The following DPH5 variants were observed in gnomAD, a reference collection of about 807,000 sequenced individuals.
DPH5 encodes the protein diphthamide biosynthesis 5.
A neutral mutation model predicts 31.6 loss-of-function variants in DPH5; 31 were observed. The observed-to-expected ratio is 0.98, with a 90% CI of 0.74 to 1.32. The LOEUF (loss-of-function observed/expected upper bound fraction) is 1.32. Among genes scored for constraint, DPH5 ranks in the 40% most tolerant of loss-of-function variants. The probability of loss-of-function intolerance (pLI) is 0.00; values close to 1 mark genes in which losing one functional copy is unlikely to be tolerated. For synonymous variants in DPH5, 120 were observed against 115.0 expected, an observed-to-expected ratio of 1.04 and a Z score of -0.28; for missense variants, 309 against 335.7, an observed-to-expected ratio of 0.92 and a Z score of 0.62.
chr1:100,992,848 T>C (rs1259161470), intron 6 of DPH5, 108 bp from the exon 7 acceptor site: 2 of 657,530 alleles, frequency 3.0e-6, no homozygotes, highest in African/African-American at 1.8e-5. Flanking sequence ...GTCTACATTC[T>C]GTTTGATGTT....
At chr1:101,001,131 C>T (rs898777802) in intron 5 of DPH5, among the ~76,000 whole-genome samples, 2 of 152,126 alleles carry the variant, frequency 1.3e-5, no homozygotes, top group Non-Finnish European at 2.9e-5. Flanking sequence ...GCAGGATGGT[C>T]CTTGGTAAGG....
At chr1:101,016,015 C>G (rs918060288) in intron 3 of DPH5, among the ~76,000 whole-genome samples, 6 of 152,148 alleles carry the variant, frequency 3.9e-5, no homozygotes, top group Admixed American at 1.3e-4. Flanking sequence ...TGTTTTACTA[C>G]CTTATCATTA....
Position 101,023,635 on chromosome 1 carries a change from A to G in DPH5, c.135+1674T>C, listed in dbSNP as rs74759012. On this transcript the variant is annotated intron_variant, in intron 2 of 7. Transcript: ENST00000370109. ...CTGAAAATTTACAAAGCACTTTCATATACATCATCTCAATAAAACACTACA... is the reference window on the plus strand; with the variant it reads ...CTGAAAATTTACAAAGCACTTTCATGTACATCATCTCAATAAAACACTACA... Among the ~76,000 whole-genome samples, 558 of 152,370 alleles carry G rather than the reference A, an allele frequency of 3.7e-3. 1 individual carries two copies. Among genetic ancestry groups the G allele is most frequent in the African/African-American group, 0.013 (536 of 41,574 alleles).
chr1:101,019,788 C>T (rs1038184485), intron 3 of DPH5, among the ~76,000 whole-genome samples: 4 of 150,004 alleles, frequency 2.7e-5, no homozygotes, highest in Admixed American at 6.6e-5. Flanking sequence ...AGGCTATATA[C>T]GATGAATCAC....
In DPH5 at chr1:101,025,746, GAAGCAAC is replaced by G. The variant is rs1660780920; in HGVS notation, c.-94_-88del. ...AATTCTTAACTACCACCTTTCCGCA[GAAGCAAC>G]TGCAAAAGCGCCGGCTCCGTGCAGA... On this transcript the variant is annotated 5_prime_UTR_variant, in exon 1 of 8. Transcript: ENST00000370109. The G allele has an allele frequency of 6.1e-6, 2 of 325,914 alleles. No homozygotes were observed. The highest frequency in any genetic ancestry group is 2.2e-5 in the African/African-American group (1 of 46,462). The allele number at this position is 325,914 out of a possible 1,614,324, so 20.2% of individuals were successfully genotyped here.
chr1:101,007,496 G>C (rs919426947), intron 4 of DPH5, among the ~76,000 whole-genome samples: 1 of 152,116 alleles, frequency 6.6e-6, no homozygotes, highest in East Asian at 1.9e-4. Context: ...GGCAGATCAC[G>C]AGGTCAGGAG....
chr1:101,024,019 G>C (rs973952905), intron 2 of DPH5, among the ~76,000 whole-genome samples: 1 of 152,090 alleles, frequency 6.6e-6, no homozygotes, highest in African/African-American at 2.4e-5. Context: ...CTTAATCACT[G>C]ATTAGAGACG....
At chr1:101,013,661 T>C (rs751076901) in intron 4 of DPH5, 49 bp downstream of exon 4, 9 of 1,249,994 alleles carry the variant, frequency 7.2e-6, no homozygotes, top group East Asian at 2.4e-5. Flanking sequence ...TGTGGAAAAA[T>C]AAAACATTTT....
At chr1:101,020,006 T>G (rs1399270654) in intron 3 of DPH5, among the ~76,000 whole-genome samples, 1 of 152,138 alleles carries the variant, frequency 6.6e-6, no homozygotes, top group African/African-American at 2.4e-5. Context: ...AAATGGAAAG[T>G]TGTACCATTT....
At chr1:101,001,413 A>T in intron 5 of DPH5, 54 bp downstream of exon 5, 1 of 1,558,946 alleles carries the variant, frequency 6.4e-7, no homozygotes. Flanking sequence ...AATCAAAATG[A>T]GAACAGTATG....
At chr1:101,003,485 GC>G (rs1268579815) in intron 4 of DPH5, among the ~76,000 whole-genome samples, 8 of 152,164 alleles carry the variant, frequency 5.3e-5, no homozygotes, top group Admixed American at 5.2e-4. Context: ...TGCAGTCATG[GC>G]ACTGGTTCTT....
At chr1:101,018,759 C>T (rs1660259013) in intron 3 of DPH5, among the ~76,000 whole-genome samples, 1 of 152,068 alleles carries the variant, frequency 6.6e-6, no homozygotes, top group African/African-American at 2.4e-5. Context: ...TTCCTAAAAA[C>T]CTATTTTGGA....
At chr1:101,011,475 A>G in intron 4 of DPH5, 1 of 152,916 alleles carries the variant, frequency 6.5e-6, no homozygotes, top group South Asian at 2.1e-4. Flanking sequence ...AGTTTTTTGA[A>G]AAATAATATA....
chr1:101,018,389 C>T (rs764479121), intron 3 of DPH5, among the ~76,000 whole-genome samples: 8 of 152,050 alleles, frequency 5.3e-5, no homozygotes, highest in Non-Finnish European at 8.8e-5. Context: ...AGGTGCCTGC[C>T]ACCACGTCTG....
chr1:100,999,991 C>CA (rs1281238201), intron 5 of DPH5, among the ~76,000 whole-genome samples: 2 of 150,932 alleles, frequency 1.3e-5, no homozygotes, highest in African/African-American at 4.9e-5. Flanking sequence ...AAAAAAAATA[C>CA]AAAAAATTAG....
At chr1:100,991,651 T>C (rs1657721675) in intron 7 of DPH5, among the ~76,000 whole-genome samples, 1 of 151,472 alleles carries the variant, frequency 6.6e-6, no homozygotes, top group Non-Finnish European at 1.5e-5. Flanking sequence ...TAGCTGGGTG[T>C]GGTGGCATGC....
At chr1:101,024,920 C>A (rs1157421640) in intron 2 of DPH5, 1 of 171,896 alleles carries the variant, frequency 5.8e-6, no homozygotes, top group Non-Finnish European at 1.2e-5. Flanking sequence ...AAGGGGGAAG[C>A]TTTCAGCTTG....
At chr1:101,001,636 A>G (rs1558038375) in intron 4 of DPH5, 49 bp from the exon 5 acceptor site, 2 of 1,349,492 alleles carry the variant, frequency 1.5e-6, no homozygotes, top group Non-Finnish European at 2.1e-6. Context: ...CTACTATTTC[A>G]TAGATAAGGA....
chr1:101,009,403 T>C (rs1490891943), intron 4 of DPH5, among the ~76,000 whole-genome samples: 4 of 152,128 alleles, frequency 2.6e-5, no homozygotes, highest in Admixed American at 2.6e-4. Context: ...ATAATAACTG[T>C]GGTAGTGGAG....
Sources: gnomAD v4.1 joint callset for allele counts (sites outside exome capture counted in the v4.1 genomes callset) on GRCh38, gnomAD v4.1.1 for gene constraint, MANE v1.5 for transcripts, NCBI Gene and HGNC (gene_info 2026-07-23, HGNC 2026-07-21) for gene names.